Variants in NRG1 observed in about 807,000 individuals in gnomAD.
The protein encoded by NRG1 is neuregulin 1.
In NRG1, 18 loss-of-function variants were observed where a neutral mutation model predicts 63.8. The ratio of observed to expected loss-of-function variants is 0.28; its 90% CI spans 0.19 to 0.42. The LOEUF is 0.42. Among genes scored for constraint, NRG1 ranks in the 10% least tolerant of loss-of-function variants. NRG1 has a pLI of 1.00. For synonymous variants in NRG1, 302 were observed against 301.3 expected, an observed-to-expected ratio of 1.00 and a Z score of -0.02; for missense variants, 762 against 814.7, an observed-to-expected ratio of 0.94 and a Z score of 0.79.
intron 1 of NRG1, among the ~76,000 whole-genome samples, chr8:31,973,391 C>T (rs756546398): frequency 4.6e-5 from 7 of 152,104 alleles, no homozygotes; most frequent in Non-Finnish European, 7.3e-5. Flanking sequence ...TGTATAAACT[C>T]GTAAATATTT....
At chr8:32,250,300 C>T (rs181936324) in intron 1 of NRG1, among the ~76,000 whole-genome samples, 25 of 152,018 alleles carry the variant, frequency 1.6e-4, no homozygotes, top group Non-Finnish European at 2.9e-4. Context: ...AGGCTTTATT[C>T]TCTCTGTCTA....
At chr8:32,381,954 G>C (rs539927708) in intron 1 of NRG1, among the ~76,000 whole-genome samples, 1 of 152,236 alleles carries the variant, frequency 6.6e-6, no homozygotes, top group East Asian at 1.9e-4. Context: ...CATTTTAAAA[G>C]TGAGAAAACT....
Position 32,004,157 on chromosome 8 carries a change from C to T in NRG1, c.37+364726C>T, listed in dbSNP as rs551542279. On this transcript the variant is annotated intron_variant, in intron 1 of 10. Transcript: ENST00000519301. The stretch of plus-strand genomic sequence containing the variant: ...AAAAGGCTGTATGATTGCAGCCCCA[C>T]GACCTTCTGGGAAAGGGAAGACCAT... Among the ~76,000 whole-genome samples the T allele has an allele frequency of 6.6e-5, 10 of 151,900 alleles. No individual in the cohort carries two copies. In the East Asian group the frequency reaches 7.8e-4, roughly 12 times the overall value.
intron 1 of NRG1, among the ~76,000 whole-genome samples, chr8:31,851,026 C>A (rs1170333295): frequency 6.6e-6 from 1 of 152,128 alleles, no homozygotes; most frequent in Non-Finnish European, 1.5e-5. Context: ...ATACTCAGTG[C>A]CTCCTTATAC....
chr8:31,738,468 A>G (rs536358205), intron 1 of NRG1, among the ~76,000 whole-genome samples: 6 of 152,254 alleles, frequency 3.9e-5, no homozygotes, highest in South Asian at 2.1e-4. Flanking sequence ...CTCAAAGCAT[A>G]CATTGATTTT....
At chr8:32,556,710 T>A (rs2129525926) in intron 1 of NRG1, among the ~76,000 whole-genome samples, 1 of 152,364 alleles carries the variant, frequency 6.6e-6, no homozygotes, top group South Asian at 2.1e-4. Context: ...AGATGGCCTA[T>A]TTTATAAATA....
At chr8:31,984,448 G>T (rs766370835) in intron 1 of NRG1, among the ~76,000 whole-genome samples, 4 of 152,096 alleles carry the variant, frequency 2.6e-5, no homozygotes, top group Non-Finnish European at 4.4e-5. Context: ...ATAGACAGAT[G>T]ATGACCCTAA....
intron 1 of NRG1, among the ~76,000 whole-genome samples, chr8:31,983,135 C>T (rs1809450511): frequency 6.6e-6 from 1 of 152,086 alleles, no homozygotes; most frequent in African/African-American, 2.4e-5. Context: ...GAATATTTTT[C>T]TTTCAATGAT....
intron 1 of NRG1, among the ~76,000 whole-genome samples, chr8:31,699,915 A>G (rs567870450): frequency 6.6e-6 from 1 of 152,278 alleles, no homozygotes; most frequent in South Asian, 2.1e-4. Flanking sequence ...AAAAGAAAGG[A>G]CAGACATCCA....
intron 1 of NRG1, among the ~76,000 whole-genome samples, chr8:31,770,656 T>C (rs953932591): frequency 4.6e-5 from 7 of 151,648 alleles, no homozygotes; most frequent in African/African-American, 1.7e-4. Context: ...TTAGGAGATA[T>C]ACCTAATGTA....
chr8:31,942,678 AAGCAAATT>A (rs1235565229), intron 1 of NRG1, among the ~76,000 whole-genome samples: 3 of 152,132 alleles, frequency 2.0e-5, no homozygotes, highest in Admixed American at 2.0e-4. Flanking sequence ...CAAAGAATTG[AAGCAAATT>A]AGCAAGATAA....
intron 1 of NRG1, among the ~76,000 whole-genome samples, chr8:32,140,913 C>A (rs1005927898): frequency 6.6e-6 from 1 of 152,110 alleles, no homozygotes; most frequent in African/African-American, 2.4e-5. Flanking sequence ...GTACTGTTGA[C>A]CTTTGAGCCC....
chr8:31,969,000 C>G, intron 1 of NRG1, among the ~76,000 whole-genome samples: 1 of 152,282 alleles, frequency 6.6e-6, no homozygotes, highest in East Asian at 1.9e-4. Context: ...AGCATTTGAG[C>G]GCTCTCTCCG....
Position 32,095,061 on chromosome 8 carries a change from G to A in NRG1, c.37+455630G>A, listed in dbSNP as rs567843524. Among the ~76,000 whole-genome samples the A allele has an allele frequency of 2.8e-4, 42 of 152,038 alleles. 1 individual carries two copies. In the South Asian group the frequency reaches 6.4e-3, roughly 23 times the overall value. ...CAAGTAGCTGGGATTACAGGCACAC[G>A]CCATCATGCCCAGCTAATTTTTGTA... On this transcript the variant is annotated intron_variant, in intron 1 of 10. Coordinates refer to the NRG1 transcript ENST00000519301.
intron 1 of NRG1, among the ~76,000 whole-genome samples, chr8:32,153,863 A>G (rs772962540): frequency 1.3e-5 from 2 of 152,210 alleles, no homozygotes; most frequent in Non-Finnish European, 2.9e-5. Context: ...TGGTGGTCTG[A>G]AAAGTTAGGT....
At chr8:32,324,961 G>T (rs1445329707) in intron 1 of NRG1, among the ~76,000 whole-genome samples, 1 of 152,154 alleles carries the variant, frequency 6.6e-6, no homozygotes, top group Non-Finnish European at 1.5e-5. Context: ...TATGTATTTT[G>T]TAAGGTTGTC....
At chr8:31,876,505 T>C (rs1296257494) in intron 1 of NRG1, among the ~76,000 whole-genome samples, 1 of 152,190 alleles carries the variant, frequency 6.6e-6, no homozygotes, top group African/African-American at 2.4e-5. Context: ...TAATAGTGAA[T>C]AAAAAGTTTG....
At chr8:32,341,048 C>T (rs943293013) in intron 1 of NRG1, among the ~76,000 whole-genome samples, 5 of 152,112 alleles carry the variant, frequency 3.3e-5, no homozygotes, top group South Asian at 2.1e-4. Context: ...TTGACAATAA[C>T]GAAACATGAG....
chr8:32,552,841 G>A (rs1197852080), intron 1 of NRG1, among the ~76,000 whole-genome samples: 2 of 152,052 alleles, frequency 1.3e-5, no homozygotes, highest in African/African-American at 4.8e-5. Context: ...AATATATATA[G>A]AGAACCAAAA....
Sources: allele counts gnomAD v4.1 joint callset (sites outside exome capture counted in the v4.1 genomes callset), GRCh38; gene constraint gnomAD v4.1.1; transcripts MANE v1.5; gene names NCBI Gene and HGNC (gene_info 2026-07-23, HGNC 2026-07-21).